The following MAPKAPK2 variants were observed in gnomAD, a reference collection of about 807,000 sequenced individuals.
The protein encoded by MAPKAPK2 is MAP kinase-activated protein kinase 2.
MAPKAPK2 carries 9 observed loss-of-function variants against 48.8 expected under a neutral mutation model. The observed-to-expected ratio is 0.18, with a 90% confidence interval of 0.11 to 0.32. MAPKAPK2 has a LOEUF of 0.32. Among genes scored for constraint, MAPKAPK2 ranks in the 10% least tolerant of loss-of-function variants. MAPKAPK2 has a pLI of 1.00. For missense variants in MAPKAPK2, 331 were observed against 498.3 expected (o/e 0.66, Z 3.20); for synonymous variants, 202 against 190.6 (o/e 1.06, Z -0.49).
At chr1:206,722,217 A>G (rs1327195647) in intron 1 of MAPKAPK2, among the ~76,000 whole-genome samples, 3 of 150,842 alleles carry the variant, frequency 2.0e-5, no homozygotes, top group Admixed American at 6.6e-5. Flanking sequence ...AAAATTAGCC[A>G]GGCGTGGTGG....
rs188046620 is a variant in MAPKAPK2 at position 206,689,352 on chromosome 1, G to A, written c.279+3844G>A. On this transcript the variant is annotated intron_variant, in intron 1 of 9. Coordinates refer to ENST00000367103, the MANE Select transcript of MAPKAPK2 (RefSeq NM_032960.4). ...ATTCTGGATGCTGTTGGAGGGAAAT[G>A]CCAGAGCTCCCACATCCCCACAGTA... 1.6e-4 allele frequency among the ~76,000 whole-genome samples: 25 copies of A among 152,292 alleles called. 1 individual carries two copies. Among genetic ancestry groups the A allele is most frequent in the African/African-American group, 6.0e-4 (25 of 41,556 alleles).
At chr1:206,701,299 C>T (rs1553427861) in intron 1 of MAPKAPK2, among the ~76,000 whole-genome samples, 1 of 152,180 alleles carries the variant, frequency 6.6e-6, no homozygotes, top group Admixed American at 6.5e-5. Context: ...CTCAGTAGTG[C>T]CAGCCACATT....
At chr1:206,693,782 T>C (rs571582935) in intron 1 of MAPKAPK2, among the ~76,000 whole-genome samples, 3 of 152,204 alleles carry the variant, frequency 2.0e-5, no homozygotes, top group Admixed American at 6.5e-5. Context: ...ATTCTCCACC[T>C]CCGCAGTGTG....
intron 1 of MAPKAPK2, among the ~76,000 whole-genome samples, chr1:206,692,934 T>C (rs1308597461): frequency 6.6e-6 from 1 of 152,212 alleles, no homozygotes; most frequent in Non-Finnish European, 1.5e-5. Context: ...GTACTGTTGA[T>C]GCCTTCTCTC....
Position 206,729,525 on chromosome 1 carries a change from G to A in MAPKAPK2, c.564+50G>A, listed in dbSNP as rs1422557289. ...CCCGAGTGCTGTGGGGGGCAACAAA[G>A]GGGCTGTGGCCACCCCAGAGATGGT... is the stretch of plus-strand genomic sequence containing the variant. On this transcript the variant is annotated intron_variant, in intron 4 of 9. Transcript: ENST00000367103. 5 of 1,518,174 alleles carry A rather than the reference G, an allele frequency of 3.3e-6. No individual in the cohort carries two copies. The African/African-American group carries it at 5.5e-5, about 17-fold the overall frequency. 94.0% of individuals were successfully genotyped at this position (1,518,174 alleles called of 1,614,324 possible). A position where few individuals can be genotyped will look rare whatever the true frequency, so the allele number is the denominator to read the frequency against.
chr1:206,731,071 GTT>G lies in MAPKAPK2; in HGVS notation c.768-66_768-65del. The G allele has an allele frequency of 6.3e-7, 1 of 1,598,122 alleles. No individual in the cohort carries two copies. The highest frequency in any genetic ancestry group is 8.6e-7 in the Non-Finnish European group (1 of 1,165,576). ...AGGAGAAGAGCCTGTTTCTCATCCT[GTT>G]CCTGGTACAGGGCCACTAAGTGACA... On this transcript the variant is annotated intron_variant, in intron 6 of 9. Coordinates refer to ENST00000367103, the MANE Select transcript of MAPKAPK2 (RefSeq NM_032960.4). The surrounding 1 kb of genome is among the most constrained non-coding windows in gnomAD (Gnocchi z 5.9).
intron 1 of MAPKAPK2, among the ~76,000 whole-genome samples, chr1:206,711,661 A>G (rs1673149167): frequency 7.7e-6 from 1 of 130,130 alleles, no homozygotes. Flanking sequence ...TCTGTCCCCC[A>G]TGCTGGAGTT....
intron 1 of MAPKAPK2, among the ~76,000 whole-genome samples, chr1:206,698,604 G>A (rs1314778682): frequency 6.6e-6 from 1 of 152,166 alleles, no homozygotes; most frequent in Non-Finnish European, 1.5e-5. Context: ...AGTCTTTATT[G>A]AGCAGATACT....
At chr1:206,714,125 G>A (rs1052941771) in intron 1 of MAPKAPK2, among the ~76,000 whole-genome samples, 13 of 152,166 alleles carry the variant, frequency 8.5e-5, no homozygotes, top group African/African-American at 3.1e-4. Flanking sequence ...CTGTTCAGCA[G>A]CCTGTCCTAG....
intron 1 of MAPKAPK2, among the ~76,000 whole-genome samples, chr1:206,707,332 T>C (rs1263043118): frequency 6.6e-6 from 1 of 152,146 alleles, no homozygotes; most frequent in African/African-American, 2.4e-5. Flanking sequence ...AAGGAAGTTC[T>C]GCCAGAGGTT....
intron 1 of MAPKAPK2, among the ~76,000 whole-genome samples, chr1:206,694,250 T>C (rs1036794425): frequency 3.3e-5 from 5 of 152,116 alleles, no homozygotes; most frequent in African/African-American, 1.2e-4. Context: ...AAGGGGTGTA[T>C]GGTGGAGAGT....
chr1:206,700,454 C>G (rs1175187797), intron 1 of MAPKAPK2, among the ~76,000 whole-genome samples: 2 of 152,176 alleles, frequency 1.3e-5, no homozygotes, highest in African/African-American at 4.8e-5. Flanking sequence ...ATACTTACTT[C>G]TCAACTCAGA....
intron 4 of MAPKAPK2, 91 bp downstream of exon 4, chr1:206,729,566 C>A: frequency 1.8e-6 from 2 of 1,095,488 alleles, no homozygotes; most frequent in Non-Finnish European, 1.4e-6. Flanking sequence ...GGCCACCCTG[C>A]GTCCTTGCTG....
chr1:206,695,773 T>G (rs1672602409), intron 1 of MAPKAPK2: 1 of 96,808 alleles, frequency 1.0e-5, no homozygotes, highest in Non-Finnish European at 1.9e-5. Flanking sequence ...TCTCTCTCTC[T>G]TTTTTTTTTT....
At chr1:206,692,683 A>G (rs530761981) in intron 1 of MAPKAPK2, among the ~76,000 whole-genome samples, 7 of 152,224 alleles carry the variant, frequency 4.6e-5, no homozygotes, top group Non-Finnish European at 1.0e-4. Context: ...CCATATTTGT[A>G]TCTGGTGTTC....
Position 206,732,819 on chromosome 1 carries a change from C to A in MAPKAPK2, c.*101C>A. 1 of 1,353,046 alleles carries A rather than the reference C, an allele frequency of 7.4e-7. No individual in the cohort carries two copies. Among genetic ancestry groups the A allele is most frequent in the Non-Finnish European group, 1.0e-6 (1 of 981,734 alleles). The allele number at this position is 1,353,046 out of a possible 1,614,324, so 83.8% of individuals were successfully genotyped here. ...GAACTGTCCACATCTGCCTCCTCTC[C>A]TCCTCAGCTGCATGGAGCCTGGAAC... On this transcript the variant is annotated 3_prime_UTR_variant, in exon 10 of 10. Transcript: ENST00000367103. This position sits in a 1 kb window ranked among gnomAD's most constrained non-coding sequence, Gnocchi z 4.4.
At position 206,724,721 on chromosome 1, in the gene MAPKAPK2, GGA is replaced by G. The variant is rs1491242081; in HGVS notation, c.280-3983_280-3982del. Among the ~76,000 whole-genome samples the G allele has an allele frequency of 5.9e-5, 9 of 152,084 alleles. No individual in the cohort carries two copies. The East Asian group carries it at 1.7e-3, about 29-fold the overall frequency. The stretch of plus-strand genomic sequence containing the variant: ...GGACAGCTCACCCTCAGTCACTGGG[GGA>G]GAGAGTTTAGTAGGGAGAAGAAGCA... On this transcript the variant is annotated intron_variant, in intron 1 of 9. Coordinates refer to ENST00000367103, the MANE Select transcript of MAPKAPK2 (RefSeq NM_032960.4).
chr1:206,690,623 C>T (rs1672428837), intron 1 of MAPKAPK2, among the ~76,000 whole-genome samples: 1 of 152,190 alleles, frequency 6.6e-6, no homozygotes, highest in African/African-American at 2.4e-5. Flanking sequence ...GGGAGGAGGG[C>T]CTGGAAGAGC....
intron 1 of MAPKAPK2, among the ~76,000 whole-genome samples, chr1:206,719,312 C>T (rs1256823221): frequency 1.3e-5 from 2 of 152,316 alleles, no homozygotes; most frequent in African/African-American, 4.8e-5. Context: ...CACAGTGGCC[C>T]GCAGTCGAGC....
Sources: allele counts gnomAD v4.1 joint callset (sites outside exome capture counted in the v4.1 genomes callset), GRCh38; gene constraint gnomAD v4.1.1; non-coding constraint Gnocchi (gnomAD v3.1); transcripts MANE v1.5; gene names NCBI Gene and HGNC (gene_info 2026-07-23, HGNC 2026-07-21).